MGAT4C: variants seen among roughly 807,000 people sequenced by gnomAD.
MGAT4C encodes MGAT4 family member C, also known as alpha-1,3-mannosyl-glycoprotein 4-beta-N-acetylglucosaminyltransferase C.
In MGAT4C, 19 loss-of-function variants were observed where a neutral mutation model predicts 40.1. The observed-to-expected ratio is 0.47, with a 90% CI of 0.33 to 0.70. The LOEUF is 0.70. Among genes scored for constraint, MGAT4C ranks in the 30% least tolerant of loss-of-function variants. The pLI is 0.02. For synonymous variants in MGAT4C, 181 were observed against 187.1 expected (o/e 0.97, Z 0.27); for missense variants, 491 against 563.2 (o/e 0.87, Z 1.30).
chr12:86,181,202 G>A (rs1167680155), intron 1 of MGAT4C, among the ~76,000 whole-genome samples: 1 of 151,972 alleles, frequency 6.6e-6, no homozygotes, highest in African/African-American at 2.4e-5. Flanking sequence ...TGATTCTGAG[G>A]CCTCCCCAGC....
intron 2 of MGAT4C, among the ~76,000 whole-genome samples, chr12:86,557,806 G>C (rs7957182): frequency 0.84 from 127,883 of 152,102 alleles, 54,275 homozygotes; most frequent in East Asian, 0.96. Flanking sequence ...AAGGACACAG[G>C]AACATGAAAA....
intron 1 of MGAT4C, among the ~76,000 whole-genome samples, chr12:86,781,382 G>A (rs1271384287): frequency 6.6e-6 from 1 of 151,756 alleles, no homozygotes; most frequent in Non-Finnish European, 1.5e-5. Context: ...TAAGTATTGA[G>A]AGAACTCAGC....
At chr12:86,077,701 T>G (rs1870017230) in intron 1 of MGAT4C, among the ~76,000 whole-genome samples, 1 of 152,212 alleles carries the variant, frequency 6.6e-6, no homozygotes, top group South Asian at 2.1e-4. Flanking sequence ...CCAAGCCATT[T>G]GTAGTCCTGC....
intron 1 of MGAT4C, among the ~76,000 whole-genome samples, chr12:86,199,811 C>T (rs1405946501): frequency 6.6e-6 from 1 of 152,022 alleles, no homozygotes; most frequent in African/African-American, 2.4e-5. Context: ...GAGCTAAAAA[C>T]TCAAATACAT....
intron 1 of MGAT4C, among the ~76,000 whole-genome samples, chr12:86,143,473 G>A (rs1159731795): frequency 1.3e-5 from 2 of 152,128 alleles, no homozygotes; most frequent in Non-Finnish European, 2.9e-5. Context: ...CTATGACAAT[G>A]TAATAGAGGT....
chr12:86,706,445 G>T (rs941040660), intron 2 of MGAT4C, among the ~76,000 whole-genome samples: 1 of 151,446 alleles, frequency 6.6e-6, no homozygotes, highest in Non-Finnish European at 1.5e-5. Flanking sequence ...TTTAAATAGG[G>T]ATAGGGTCTC....
intron 2 of MGAT4C, among the ~76,000 whole-genome samples, chr12:86,646,624 C>G (rs1164449318): frequency 6.6e-6 from 1 of 151,750 alleles, no homozygotes; most frequent in African/African-American, 2.4e-5. Flanking sequence ...TTATTTTTCT[C>G]TCTGTAAATA....
At chr12:86,640,785 A>G (rs1593070817) in intron 2 of MGAT4C, among the ~76,000 whole-genome samples, 1 of 151,738 alleles carries the variant, frequency 6.6e-6, no homozygotes, top group East Asian at 1.9e-4. Context: ...TGTGTCCCAG[A>G]GATTCTGGTA....
At chr12:86,448,269 G>C (rs1019278865) in intron 2 of MGAT4C, among the ~76,000 whole-genome samples, 1 of 152,056 alleles carries the variant, frequency 6.6e-6, no homozygotes, top group African/African-American at 2.4e-5. Context: ...CTCAGCACTT[G>C]CCTGTTTCCT....
At chr12:86,457,268 A>C (rs1414385623) in intron 2 of MGAT4C, among the ~76,000 whole-genome samples, 1 of 152,018 alleles carries the variant, frequency 6.6e-6, no homozygotes, top group Non-Finnish European at 1.5e-5. Flanking sequence ...CAGGCATATT[A>C]TTTTTCATTA....
chr12:86,606,694 G>A (rs929361008), intron 2 of MGAT4C, among the ~76,000 whole-genome samples: 43 of 152,022 alleles, frequency 2.8e-4, no homozygotes, highest in African/African-American at 1.0e-3. Flanking sequence ...CATTGTCTTC[G>A]TTCAAATTCA....
intron 2 of MGAT4C, among the ~76,000 whole-genome samples, chr12:86,510,656 C>A (rs1012480649): frequency 3.9e-5 from 6 of 151,906 alleles, no homozygotes; most frequent in East Asian, 1.9e-4. Flanking sequence ...ATCTACCAAG[C>A]AAATGGAAAA....
chr12:86,700,198 T>C lies in MGAT4C; in HGVS notation c.-229+27011A>G, dbSNP rs143877983. On this transcript the variant is annotated intron_variant, in intron 2 of 7. Coordinates refer to the MGAT4C transcript ENST00000548651. ...ACAGACAGATAGATAGATAGATAGATAGATAGATAGATAGATTAGGCTTTA... is the reference window on the plus strand; with the variant it reads ...ACAGACAGATAGATAGATAGATAGACAGATAGATAGATAGATTAGGCTTTA... Among the ~76,000 whole-genome samples the C allele has an allele frequency of 2.8e-3, 418 of 147,884 alleles. 2 individuals are homozygous for C. The highest frequency in any genetic ancestry group is 1.0e-2 in the African/African-American group (401 of 40,294).
At chr12:86,725,069 A>G (rs1950799692) in intron 2 of MGAT4C, among the ~76,000 whole-genome samples, 1 of 152,244 alleles carries the variant, frequency 6.6e-6, no homozygotes, top group Non-Finnish European at 1.5e-5. Context: ...GATCTCTCAC[A>G]GTGATTAATA....
intron 2 of MGAT4C, among the ~76,000 whole-genome samples, chr12:86,707,715 G>C (rs1048497330): frequency 6.6e-6 from 1 of 151,850 alleles, no homozygotes; most frequent in Non-Finnish European, 1.5e-5. Context: ...TATTTTAGTA[G>C]AGATGGGATT....
At chr12:86,134,329 T>C (rs1881648752) in intron 1 of MGAT4C, among the ~76,000 whole-genome samples, 1 of 152,154 alleles carries the variant, frequency 6.6e-6, no homozygotes, top group African/African-American at 2.4e-5. Flanking sequence ...TTACTATCTA[T>C]ATTCACTTCA....
At chr12:86,368,047 A>T (rs1471942142) in intron 3 of MGAT4C, among the ~76,000 whole-genome samples, 1 of 152,172 alleles carries the variant, frequency 6.6e-6, no homozygotes, top group Non-Finnish European at 1.5e-5. Flanking sequence ...CATTAAAACT[A>T]CGGAAATTTG....
intron 3 of MGAT4C, among the ~76,000 whole-genome samples, chr12:86,375,429 T>C (rs1955805438): frequency 6.6e-6 from 1 of 152,150 alleles, no homozygotes; most frequent in African/African-American, 2.4e-5. Flanking sequence ...TGCTGTCTAC[T>C]AATATTAGGT....
intron 3 of MGAT4C, among the ~76,000 whole-genome samples, chr12:86,361,005 C>T (rs1334450892): frequency 6.7e-6 from 1 of 148,964 alleles, no homozygotes; most frequent in Non-Finnish European, 1.5e-5. Context: ...CATATGGAAC[C>T]AAAATAGAGC....
Sources: allele counts gnomAD v4.1 joint callset (sites outside exome capture counted in the v4.1 genomes callset), GRCh38; gene constraint gnomAD v4.1.1; transcripts MANE v1.5; gene names NCBI Gene and HGNC (gene_info 2026-07-23, HGNC 2026-07-21).